XRCC5: variants seen among roughly 807,000 people sequenced by gnomAD.
XRCC5 encodes DNA repair protein Ku80.
A neutral mutation model predicts 95.7 loss-of-function variants in XRCC5; 12 were observed. The ratio of observed to expected loss-of-function variants is 0.13; its 90% CI spans 0.08 to 0.20. The LOEUF is 0.20. Ranked by LOEUF, XRCC5 falls within the 10% of genes least tolerant of loss-of-function variation. The pLI, the probability that XRCC5 is intolerant of heterozygous loss-of-function variation, is 1.00. For synonymous variants in XRCC5, 281 were observed against 290.3 expected (o/e 0.97, Z 0.33); for missense variants, 595 against 873.9 (o/e 0.68, Z 4.02).
intron 16 of XRCC5, among the ~76,000 whole-genome samples, chr2:216,181,697 C>T (rs1489032604): frequency 6.6e-6 from 1 of 152,154 alleles, no homozygotes; most frequent in Non-Finnish European, 1.5e-5. Context: ...GACAAAATGA[C>T]CTCCATCTGG....
At chr2:216,183,243 A>G (rs1295287940) in intron 16 of XRCC5, among the ~76,000 whole-genome samples, 1 of 152,192 alleles carries the variant, frequency 6.6e-6, no homozygotes, top group African/African-American at 2.4e-5. Context: ...GAGAGATCTC[A>G]TAGTCTGCAG....
Position 216,125,868 on chromosome 2 carries a change from G to A in XRCC5, c.684-49G>A. ...AAATCAAATGCATCATCCAGCACAA[G>A]TTAACATTTAAAAATTGTTGCTTTC... is the stretch of plus-strand genomic sequence containing the variant. On this transcript the variant is annotated intron_variant, in intron 6 of 20. Transcript: ENST00000392132. 2.8e-6 allele frequency: 4 copies of A among 1,448,622 alleles called. No individual in the cohort carries two copies. In the South Asian group the frequency reaches 3.4e-5, roughly 12 times the overall value. The allele number at this position is 1,448,622 out of a possible 1,614,324, so 89.7% of individuals were successfully genotyped here.
At chr2:216,180,238 A>G (rs1218996647) in intron 16 of XRCC5, among the ~76,000 whole-genome samples, 2 of 152,208 alleles carry the variant, frequency 1.3e-5, no homozygotes, top group African/African-American at 4.8e-5. Context: ...TGGAAGGGGT[A>G]ACTTAGATAA....
chr2:216,165,131 T>C (rs894181091), intron 16 of XRCC5, among the ~76,000 whole-genome samples: 2 of 152,240 alleles, frequency 1.3e-5, no homozygotes, highest in African/African-American at 4.8e-5. Flanking sequence ...CAAACACATG[T>C]CTCTTTCAAA....
chr2:216,153,750 T>G (rs917180417), intron 14 of XRCC5, among the ~76,000 whole-genome samples: 4 of 152,350 alleles, frequency 2.6e-5, no homozygotes, highest in African/African-American at 2.4e-5. Flanking sequence ...GAGCTTGTAC[T>G]TCAAACTGTA....
At chr2:216,167,600 GTGTGTGTGTGTGTGA>G (rs1689076812) in intron 16 of XRCC5, among the ~76,000 whole-genome samples, 1 of 110,028 alleles carries the variant, frequency 9.1e-6, no homozygotes, top group African/African-American at 4.1e-5. Flanking sequence ...GTGTGTGTGT[GTGTGTGTGTGTGTGA>G]TTTTTTTTAA....
intron 6 of XRCC5, among the ~76,000 whole-genome samples, chr2:216,125,384 A>G (rs564759516): frequency 5.3e-5 from 8 of 152,060 alleles, no homozygotes; most frequent in Non-Finnish European, 8.8e-5. Context: ...TTTACTAGAG[A>G]TGGGGTTTCT....
intron 16 of XRCC5, among the ~76,000 whole-genome samples, chr2:216,172,473 T>TC (rs1232777081): frequency 2.1e-5 from 3 of 140,290 alleles, no homozygotes; most frequent in Non-Finnish European, 4.6e-5. Context: ...TCTTTTCTTT[T>TC]TTTTTTTTTT....
At chr2:216,187,861 T>C (rs75712462) in intron 16 of XRCC5, among the ~76,000 whole-genome samples, 11,843 of 114,890 alleles carry the variant, frequency 0.1, 1,030 homozygotes, top group African/African-American at 0.17. Context: ...TCTCTCTCTC[T>C]CCCCGTCTCC....
Position 216,206,209 on chromosome 2 carries a change from GT to G in XRCC5, c.*1008del, listed in dbSNP as rs1245058307. ...GACTTCTTGGTACCCAGTCACCTCT[GT>G]CTTCAGCACCCTCATAAGTCGTCAC... On this transcript the variant is annotated 3_prime_UTR_variant, in exon 21 of 21. Transcript: ENST00000392132. 2 of 152,022 alleles carry G rather than the reference GT, an allele frequency of 1.3e-5. No individual in the cohort carries two copies. Among genetic ancestry groups the G allele is most frequent in the Non-Finnish European group, 2.9e-5 (2 of 68,026 alleles). 9.4% of individuals were successfully genotyped at this position (152,022 alleles called of 1,614,324 possible).
chr2:216,148,358 TA>T (rs1688678345), intron 14 of XRCC5, 82 bp downstream of exon 14: 1 of 1,308,228 alleles, frequency 7.6e-7, no homozygotes, highest in Non-Finnish European at 1.0e-6. Flanking sequence ...AAGTGTCACA[TA>T]GGGGTCTATG....
chr2:216,199,440 A>G (rs1689793291), intron 19 of XRCC5, among the ~76,000 whole-genome samples: 1 of 152,198 alleles, frequency 6.6e-6, no homozygotes, highest in Non-Finnish European at 1.5e-5. Context: ...GAGTTTAGAC[A>G]GTCACTTTCT....
At chr2:216,199,369 T>G (rs1689792216) in intron 19 of XRCC5, among the ~76,000 whole-genome samples, 1 of 152,234 alleles carries the variant, frequency 6.6e-6, no homozygotes, top group Non-Finnish European at 1.5e-5. Context: ...GATTGTATGA[T>G]TCTTTGAGAA....
intron 8 of XRCC5, among the ~76,000 whole-genome samples, chr2:216,128,154 T>C (rs1036238861): frequency 2.0e-5 from 3 of 152,208 alleles, no homozygotes; most frequent in African/African-American, 7.2e-5. Context: ...AAAGTTGTAC[T>C]CCTATGTTAT....
chr2:216,150,750 G>A (rs1480973799), intron 14 of XRCC5, among the ~76,000 whole-genome samples: 6 of 152,102 alleles, frequency 3.9e-5, no homozygotes, highest in Non-Finnish European at 7.4e-5. Flanking sequence ...TGAACTGGGC[G>A]TGGTGGTGTG....
intron 6 of XRCC5, among the ~76,000 whole-genome samples, chr2:216,124,373 A>G (rs1029362223): frequency 1.3e-5 from 2 of 152,154 alleles, no homozygotes; most frequent in Non-Finnish European, 2.9e-5. Flanking sequence ...CAGCCTCCCA[A>G]GTAGCTGGGA....
intron 16 of XRCC5, among the ~76,000 whole-genome samples, chr2:216,167,497 G>A (rs183791704): frequency 7.2e-5 from 11 of 151,854 alleles, no homozygotes; most frequent in Non-Finnish European, 1.5e-4. Context: ...TTTCTGCCAG[G>A]AGTCAAGCCC....
chr2:216,120,762 G>A (rs987544760), intron 5 of XRCC5, among the ~76,000 whole-genome samples: 2 of 151,858 alleles, frequency 1.3e-5, no homozygotes, highest in African/African-American at 4.8e-5. Flanking sequence ...TTGAGATGGA[G>A]TCTCGCACTG....
intron 16 of XRCC5, among the ~76,000 whole-genome samples, chr2:216,162,398 C>CTT (rs1339955110): frequency 1.6e-5 from 2 of 127,300 alleles, no homozygotes; most frequent in South Asian, 5.5e-4. Flanking sequence ...TATTTTCTTC[C>CTT]TTTTTTTTCT....
Sources: gnomAD v4.1 joint callset for allele counts (sites outside exome capture counted in the v4.1 genomes callset) on GRCh38, gnomAD v4.1.1 for gene constraint, MANE v1.5 for transcripts, NCBI Gene and HGNC (gene_info 2026-07-23, HGNC 2026-07-21) for gene names.